ARID1B: variants seen among roughly 807,000 people sequenced by gnomAD.
ARID1B encodes the protein AT-rich interactive domain-containing protein 1B.
Under a neutral mutation model 212.3 loss-of-function variants are expected in ARID1B, and 30 were observed. The observed-to-expected ratio is 0.14, with a 90% confidence interval of 0.11 to 0.19. The LOEUF (loss-of-function observed/expected upper bound fraction) is 0.19. Ranked by LOEUF, ARID1B falls within the 10% of genes least tolerant of loss-of-function variation. The pLI is 1.00. For missense variants in ARID1B, 2,891 were observed against 3,204.0 expected (o/e 0.90, Z 2.36); for synonymous variants, 1,402 against 1,301.7 (o/e 1.08, Z -1.66).
intron 17 of ARID1B, among the ~76,000 whole-genome samples, chr6:157,199,845 C>G (rs913451283): frequency 6.6e-6 from 1 of 151,704 alleles, no homozygotes; most frequent in African/African-American, 2.4e-5. Flanking sequence ...TGTATTTTTA[C>G]TATAAGAGAC....
At chr6:156,914,186 C>T (rs1389816810) in intron 3 of ARID1B, among the ~76,000 whole-genome samples, 1 of 151,404 alleles carries the variant, frequency 6.6e-6, no homozygotes. Context: ...TTCCACTCTA[C>T]TCCCCAGCTC....
chr6:157,033,640 G>A (rs1255100072), intron 4 of ARID1B, among the ~76,000 whole-genome samples: 1 of 152,166 alleles, frequency 6.6e-6, no homozygotes, highest in Non-Finnish European at 1.5e-5. Context: ...TGGGCCGTAG[G>A]GTAATTGGGA....
chr6:157,102,887 G>A (rs1775616176), intron 5 of ARID1B, among the ~76,000 whole-genome samples: 1 of 152,104 alleles, frequency 6.6e-6, no homozygotes, highest in South Asian at 2.1e-4. Flanking sequence ...GTGAGCCACT[G>A]CACCCGGCCT....
intron 2 of ARID1B, among the ~76,000 whole-genome samples, chr6:156,898,047 C>T (rs974428198): frequency 6.6e-6 from 1 of 152,048 alleles, no homozygotes; most frequent in Non-Finnish European, 1.5e-5. Flanking sequence ...TCAGTCTCCC[C>T]TGTGATAAGA....
At chr6:156,893,744 G>C (rs1452151100) in intron 2 of ARID1B, among the ~76,000 whole-genome samples, 2 of 152,148 alleles carry the variant, frequency 1.3e-5, no homozygotes, top group East Asian at 3.8e-4. Context: ...TTCACACCCA[G>C]TATTAGTACA....
chr6:156,842,036 G>A (rs1583143580), intron 2 of ARID1B, among the ~76,000 whole-genome samples: 1 of 152,120 alleles, frequency 6.6e-6, no homozygotes, highest in South Asian at 2.1e-4. Flanking sequence ...TTCGTTTCAC[G>A]TAAAGTCTTT....
intron 4 of ARID1B, among the ~76,000 whole-genome samples, chr6:157,027,205 C>G (rs942829111): frequency 1.3e-5 from 2 of 152,114 alleles, no homozygotes; most frequent in African/African-American, 2.4e-5. Context: ...ATAGATTCTT[C>G]AAAATAAGTT....
At chr6:157,067,447 A>C (rs1007418132) in intron 4 of ARID1B, among the ~76,000 whole-genome samples, 3 of 152,186 alleles carry the variant, frequency 2.0e-5, no homozygotes, top group Non-Finnish European at 4.4e-5. Flanking sequence ...CTCATTCCTG[A>C]GAATGGGGTA....
At position 157,052,171 on chromosome 6, in the gene ARID1B, T is replaced by C. The variant is rs570326106; in HGVS notation, c.2248-32491T>C. On this transcript the variant is annotated intron_variant, in intron 4 of 19. Coordinates refer to ENST00000636930, the MANE Select transcript of ARID1B (RefSeq NM_001374828.1). ...TAGGTGAAGCAATGAAAATAAAGGT[T>C]GGATAACAGAGGTTATTTATATATA... 3.9e-5 allele frequency among the ~76,000 whole-genome samples: 6 copies of C among 152,286 alleles called. No individual in the cohort carries two copies. The South Asian group carries it at 1.0e-3, about 26-fold the overall frequency.
rs780022429 is a variant in ARID1B, at chr6:157,207,784, T to C, written c.7012T>C (p.Phe2338Leu). Residue 2338 changes from phenylalanine to leucine, a missense_variant, in exon 20 of 20, where the codon TTC becomes CTC. Phe to Leu is a conservative substitution (Grantham distance 22). Transcript: ENST00000636930. The surrounding 1 kb of genome is among the most constrained non-coding windows in gnomAD (Gnocchi z 8.5). ...CAGAGTGGACGAAAACCGCTCGGAA[T>C]TCCTTTTGCACGAGGGCCGGTTGCT... ...MARVDENRSE[F>L]LLHEGRLLDI... is the part of the protein sequence containing the mutation. 1.3e-6 allele frequency: 2 copies of C among 1,566,354 alleles called. No homozygotes were observed. Among genetic ancestry groups the C allele is most frequent in the South Asian group, 2.4e-5 (2 of 84,466 alleles).
intron 3 of ARID1B, among the ~76,000 whole-genome samples, chr6:156,918,020 A>G (rs968374511): frequency 6.6e-6 from 1 of 152,240 alleles, no homozygotes; most frequent in African/African-American, 2.4e-5. Context: ...CATGGGGGTA[A>G]AATAGGTTTC....
chr6:157,151,223 G>A (rs893811748), intron 8 of ARID1B: 2 of 152,092 alleles, frequency 1.3e-5, no homozygotes, highest in African/African-American at 4.8e-5. Flanking sequence ...TCATTGTTTT[G>A]TCTAGGAACC....
At chr6:156,910,961 AAAAG>A (rs1228571375) in intron 3 of ARID1B, among the ~76,000 whole-genome samples, 1 of 152,250 alleles carries the variant, frequency 6.6e-6, no homozygotes, top group East Asian at 1.9e-4. Context: ...ATGGAAAATG[AAAAG>A]AAAGAAGTAT....
chr6:156,849,528 A>C (rs1784443206), intron 2 of ARID1B, among the ~76,000 whole-genome samples: 1 of 152,228 alleles, frequency 6.6e-6, no homozygotes, highest in Non-Finnish European at 1.5e-5. Flanking sequence ...CATAGAGAGA[A>C]GCATCTGCAT....
chr6:157,207,086 A>G lies in ARID1B; in HGVS notation c.6314A>G (p.His2105Arg). 6.2e-7 allele frequency: 1 copy of G among 1,614,184 alleles called. No individual in the cohort carries two copies. Among genetic ancestry groups the G allele is most frequent in the Non-Finnish European group, 8.5e-7 (1 of 1,180,028 alleles). ...ATCCTGGGGAAGCTGATTCTTCTTCACCACGAGCATCCAGAGAGAAAGCGA... is the reference window on the plus strand; with the variant it reads ...ATCCTGGGGAAGCTGATTCTTCTTCGCCACGAGCATCCAGAGAGAAAGCGA... ...VLILGKLILL[H>R]HEHPERKRAP... The change falls in exon 20 of 20, where the codon CAC becomes CGC. Residue 2105 changes from histidine (H) to arginine (R), a missense_variant. His to Arg is a conservative substitution (Grantham distance 29). Around this residue, in one of 7 missense-constraint regions of ARID1B, gnomAD observed 41 missense variants for 40.4 expected, o/e 1.01. Transcript: ENST00000636930. This position sits in a 1 kb window ranked among gnomAD's most constrained non-coding sequence, Gnocchi z 8.5.
chr6:157,043,606 GT>G lies in ARID1B; in HGVS notation c.2248-41052del, dbSNP rs147642691. 7.4e-3 allele frequency among the ~76,000 whole-genome samples: 1,120 copies of G among 152,238 alleles called. 20 individuals carry two copies. Among genetic ancestry groups the G allele is most frequent in the African/African-American group, 0.025 (1,039 of 41,516 alleles). On this transcript the variant is annotated intron_variant, in intron 4 of 19. Transcript: ENST00000636930. The stretch of plus-strand genomic sequence containing the variant: ...AGTGCATAAGTACTGATGATTAAGA[GT>G]TTTACTGATAGTGTTAACAATTGTC...
chr6:157,055,390 A>G (rs1562582069), intron 4 of ARID1B, among the ~76,000 whole-genome samples: 1 of 152,188 alleles, frequency 6.6e-6, no homozygotes, highest in Non-Finnish European at 1.5e-5. Context: ...ACTTGTACAA[A>G]GTACTCTTTA....
At chr6:156,909,563 A>C (rs1393717534) in intron 3 of ARID1B, among the ~76,000 whole-genome samples, 1 of 152,194 alleles carries the variant, frequency 6.6e-6, no homozygotes, top group Non-Finnish European at 1.5e-5. Context: ...CGTTTCAAGC[A>C]AAATTTAAAC....
chr6:157,031,391 G>T (rs1451426162), intron 4 of ARID1B, among the ~76,000 whole-genome samples: 1 of 152,214 alleles, frequency 6.6e-6, no homozygotes, highest in Non-Finnish European at 1.5e-5. Context: ...GGACACCAAT[G>T]TAGGCAAAAA....
Sources: gnomAD v4.1 joint callset for allele counts (sites outside exome capture counted in the v4.1 genomes callset) on GRCh38, gnomAD v4.1.1 for gene constraint, gnomAD v4.1.1 regional missense constraint, Gnocchi (gnomAD v3.1) non-coding constraint, MANE v1.5 for transcripts, NCBI Gene and HGNC (gene_info 2026-07-23, HGNC 2026-07-21) for gene names.